The following ARHGAP31 variants were observed in gnomAD, a reference collection of about 807,000 sequenced individuals.
ARHGAP31 encodes the protein rho GTPase-activating protein 31.
Under a neutral mutation model 113.9 loss-of-function variants are expected in ARHGAP31, and 34 were observed. That is an observed-to-expected ratio of 0.30 (90% CI 0.23 to 0.40). ARHGAP31 has a LOEUF of 0.40. Ranked by LOEUF, ARHGAP31 falls within the 10% of genes least tolerant of loss-of-function variation. The pLI is 1.00. For synonymous variants in ARHGAP31, 650 were observed against 684.8 expected (o/e 0.95, Z 0.79); for missense variants, 1,548 against 1,767.1 (o/e 0.88, Z 2.22).
At chr3:119,347,667 C>T (rs2080071686) in intron 1 of ARHGAP31, among the ~76,000 whole-genome samples, 1 of 152,176 alleles carries the variant, frequency 6.6e-6, no homozygotes, top group Non-Finnish European at 1.5e-5. Flanking sequence ...AGGCTGTTGT[C>T]CTTGGGTACC....
At chr3:119,299,680 C>A (rs1472493782) in intron 1 of ARHGAP31, among the ~76,000 whole-genome samples, 1 of 152,158 alleles carries the variant, frequency 6.6e-6, no homozygotes, top group Non-Finnish European at 1.5e-5. Context: ...GGGCTGCAAG[C>A]TCAAGAAAGT....
intron 1 of ARHGAP31, among the ~76,000 whole-genome samples, chr3:119,303,565 T>C: frequency 6.6e-6 from 1 of 152,118 alleles, no homozygotes. Flanking sequence ...CAGAATGCCT[T>C]GTAGGCCCCC....
At chr3:119,298,273 C>T (rs113955962) in intron 1 of ARHGAP31, among the ~76,000 whole-genome samples, 32 of 152,296 alleles carry the variant, frequency 2.1e-4, no homozygotes, top group African/African-American at 7.2e-4. Flanking sequence ...GGAGATCATC[C>T]CTTCCTTACT....
At chr3:119,362,639 G>A (rs2080218575) in intron 1 of ARHGAP31, among the ~76,000 whole-genome samples, 1 of 151,892 alleles carries the variant, frequency 6.6e-6, no homozygotes, top group African/African-American at 2.4e-5. Flanking sequence ...ATGGTGGCAG[G>A]CACCTGTAAT....
At chr3:119,321,296 G>GTA (rs1215332012) in intron 1 of ARHGAP31, among the ~76,000 whole-genome samples, 73 of 136,364 alleles carry the variant, frequency 5.4e-4, no homozygotes, top group Admixed American at 1.5e-3. Flanking sequence ...TATATATATA[G>GTA]TATATATATA....
At chr3:119,317,815 G>A (rs1426887748) in intron 1 of ARHGAP31, among the ~76,000 whole-genome samples, 1 of 152,146 alleles carries the variant, frequency 6.6e-6, no homozygotes, top group South Asian at 2.1e-4. Flanking sequence ...GTGACATGGG[G>A]TAAGATTATT....
chr3:119,383,931 G>A (rs1475479991), intron 6 of ARHGAP31, among the ~76,000 whole-genome samples: 1 of 152,198 alleles, frequency 6.6e-6, no homozygotes, highest in African/African-American at 2.4e-5. Context: ...TACCTGAGGA[G>A]TTTGTTAAAC....
chr3:119,356,812 T>C (rs1303096774), intron 1 of ARHGAP31, among the ~76,000 whole-genome samples: 3 of 152,184 alleles, frequency 2.0e-5, no homozygotes, highest in Non-Finnish European at 4.4e-5. Flanking sequence ...AACCTGCTGT[T>C]GATGACAATC....
chr3:119,374,467 C>T (rs116508031), intron 3 of ARHGAP31, among the ~76,000 whole-genome samples: 2,244 of 152,258 alleles, frequency 0.015, 63 homozygotes, highest in African/African-American at 0.051. Context: ...ATATAAATTA[C>T]CCAATCTTAG....
In ARHGAP31 at chr3:119,377,447, C is replaced by T. The variant is rs565902466; in HGVS notation, c.349-3457C>T. ...TGAAGAAACAAATTTTGCAAGTATC[C>T]GGGAAAACAGGGTGCCAAGAAGAAA... On this transcript the variant is annotated intron_variant, in intron 3 of 11. Coordinates refer to ENST00000264245, the MANE Select transcript of ARHGAP31 (RefSeq NM_020754.4). 1.8e-4 allele frequency among the ~76,000 whole-genome samples: 27 copies of T among 152,172 alleles called. No homozygotes were observed. The South Asian group carries it at 4.6e-3, about 26-fold the overall frequency.
Position 119,326,531 on chromosome 3 carries a change from G to A in ARHGAP31, c.100+31527G>A, listed in dbSNP as rs923529302. Among the ~76,000 whole-genome samples the A allele has an allele frequency of 2.6e-5, 4 of 152,268 alleles. 1 individual carries two copies. The highest frequency in any genetic ancestry group is 6.5e-5 in the Admixed American group (1 of 15,304). Reference sequence around the variant, plus strand: ...GAAATGAGACAGAGGCCTAGAAGTGGAAACGTCCAAGATATGTTTCAGGGG... The same window carrying A: ...GAAATGAGACAGAGGCCTAGAAGTGAAAACGTCCAAGATATGTTTCAGGGG... On this transcript the variant is annotated intron_variant, in intron 1 of 11. Coordinates refer to ENST00000264245, the MANE Select transcript of ARHGAP31 (RefSeq NM_020754.4).
At chr3:119,334,466 C>G (rs987961259) in intron 1 of ARHGAP31, among the ~76,000 whole-genome samples, 1 of 152,256 alleles carries the variant, frequency 6.6e-6, no homozygotes, top group Non-Finnish European at 1.5e-5. Flanking sequence ...CCAAATTTCC[C>G]TGTGATTAGG....
intron 5 of ARHGAP31, among the ~76,000 whole-genome samples, 159 bp from the exon 6 acceptor site, chr3:119,382,925 C>T (rs991934527): frequency 2.6e-5 from 4 of 152,190 alleles, no homozygotes; most frequent in Non-Finnish European, 4.4e-5. Flanking sequence ...GCTTCACAGC[C>T]TTTGGAGAGT....
chr3:119,315,780 G>A (rs140916531), intron 1 of ARHGAP31, among the ~76,000 whole-genome samples: 13 of 152,340 alleles, frequency 8.5e-5, no homozygotes, highest in Non-Finnish European at 1.3e-4. Flanking sequence ...TAAGAGGCTT[G>A]CACAATACAG....
chr3:119,419,258 G>A lies in ARHGAP31; in HGVS notation c.*2994G>A, dbSNP rs997009937. The A allele has an allele frequency of 6.6e-6, 1 of 152,194 alleles. No homozygotes were observed. The highest frequency in any genetic ancestry group is 1.5e-5 in the Non-Finnish European group (1 of 68,044). The allele number at this position is 152,194 out of a possible 1,614,324, so 9.4% of individuals were successfully genotyped here. A position where few individuals can be genotyped will look rare whatever the true frequency, so the allele number is the denominator to read the frequency against. On this transcript the variant is annotated 3_prime_UTR_variant, in exon 12 of 12. Coordinates refer to ENST00000264245, the MANE Select transcript of ARHGAP31 (RefSeq NM_020754.4). ...AAAATGGGGGTTGCTGATGTTAAAT[G>A]ATGGATTTGCAGTGAAACGCATGCA...
At chr3:119,328,057 A>C (rs2079861170) in intron 1 of ARHGAP31, among the ~76,000 whole-genome samples, 1 of 152,262 alleles carries the variant, frequency 6.6e-6, no homozygotes, top group South Asian at 2.1e-4. Flanking sequence ...TAGATGTCTC[A>C]TATTAGAAAT....
At chr3:119,386,025 A>G (rs2080445566) in intron 6 of ARHGAP31, among the ~76,000 whole-genome samples, 2 of 152,210 alleles carry the variant, frequency 1.3e-5, no homozygotes, top group African/African-American at 4.8e-5. Flanking sequence ...TTTGTCCTGC[A>G]TATTAAAATC....
chr3:119,388,281 T>C (rs1038842206), intron 6 of ARHGAP31, among the ~76,000 whole-genome samples: 16 of 129,740 alleles, frequency 1.2e-4, no homozygotes, highest in African/African-American at 4.7e-4. Flanking sequence ...CATATATGTA[T>C]ACATATAATA....
intron 1 of ARHGAP31, among the ~76,000 whole-genome samples, chr3:119,334,362 C>T (rs1379604108): frequency 2.0e-5 from 3 of 152,226 alleles, no homozygotes; most frequent in Non-Finnish European, 4.4e-5. Context: ...GCCTCTCTTC[C>T]TGGCTTCAGA....
Sources: gnomAD v4.1 joint callset for allele counts (sites outside exome capture counted in the v4.1 genomes callset) on GRCh38, gnomAD v4.1.1 for gene constraint, MANE v1.5 for transcripts, NCBI Gene and HGNC (gene_info 2026-07-23, HGNC 2026-07-21) for gene names.